Variants in MOBP observed in about 807,000 individuals in gnomAD.
MOBP encodes myelin-associated oligodendrocyte basic protein.
MOBP carries 5 observed loss-of-function variants against 15.0 expected under a neutral mutation model. The ratio of observed to expected loss-of-function variants is 0.33; its 90% confidence interval spans 0.17 to 0.70. The LOEUF (loss-of-function observed/expected upper bound fraction) is 0.70. Ranked by LOEUF, MOBP falls within the 30% of genes least tolerant of loss-of-function variation. MOBP has a pLI of 0.67. For missense variants in MOBP, 188 were observed against 257.8 expected, an observed-to-expected ratio of 0.73 and a Z score of 1.85; for synonymous variants, 88 against 99.0, an observed-to-expected ratio of 0.89 and a Z score of 0.66.
At chr3:39,524,823 G>C (rs1289185052) in exon 5 of MOBP, 1 of 152,142 alleles carries the variant, frequency 6.6e-6, no homozygotes, top group East Asian at 1.9e-4. Flanking sequence ...AATAGAATGA[G>C]TGAATCACCT....
chr3:39,498,784 C>CG (rs2042926521), intron 2 of MOBP, among the ~76,000 whole-genome samples: 1 of 151,922 alleles, frequency 6.6e-6, no homozygotes, highest in Admixed American at 6.6e-5. Context: ...CGGACATGGT[C>CG]GGGGGAGACA....
chr3:39,479,649 T>C (rs953612564), intron 1 of MOBP, among the ~76,000 whole-genome samples: 14 of 152,154 alleles, frequency 9.2e-5, no homozygotes, highest in Non-Finnish European at 1.5e-5. Flanking sequence ...GGATGATTTA[T>C]TTGATTGTGA....
chr3:39,477,293 T>A (rs1160208740), intron 1 of MOBP, among the ~76,000 whole-genome samples: 3 of 152,106 alleles, frequency 2.0e-5, no homozygotes, highest in African/African-American at 7.2e-5. Context: ...AGAGAAATTA[T>A]ATACAGTCAT....
At chr3:39,500,650 A>T (rs1417007049) in intron 2 of MOBP, among the ~76,000 whole-genome samples, 3 of 152,174 alleles carry the variant, frequency 2.0e-5, no homozygotes, top group African/African-American at 7.2e-5. Context: ...TGAGTGAGTG[A>T]GTGGAAGATG....
At chr3:39,476,808 T>C (rs2042551501) in intron 1 of MOBP, among the ~76,000 whole-genome samples, 1 of 152,294 alleles carries the variant, frequency 6.6e-6, no homozygotes, top group Non-Finnish European at 1.5e-5. Context: ...AAAAGCCTCA[T>C]TTTGTCATAC....
intron 2 of MOBP, among the ~76,000 whole-genome samples, chr3:39,486,304 C>T (rs519385): frequency 0.3 from 45,117 of 151,800 alleles, 9,023 homozygotes; most frequent in African/African-American, 0.57. Flanking sequence ...AAGTTAAATA[C>T]GTGAAGCCCT....
At chr3:39,483,440 CTCT>C (rs750673260) in intron 2 of MOBP, among the ~76,000 whole-genome samples, 8 of 152,170 alleles carry the variant, frequency 5.3e-5, no homozygotes, top group Non-Finnish European at 8.8e-5. Context: ...CCAGCTTGGC[CTCT>C]TCTTTGTCTC....
At chr3:39,523,100 T>C (rs2043289747) in intron 3 of MOBP, among the ~76,000 whole-genome samples, 1 of 152,224 alleles carries the variant, frequency 6.6e-6, no homozygotes. Context: ...CCCTTGCCAC[T>C]ATTCCACAGA....
intron 2 of MOBP, among the ~76,000 whole-genome samples, chr3:39,495,750 C>CAAAAAAAAAAA (rs1179926622): frequency 5.0e-5 from 3 of 60,172 alleles, no homozygotes; most frequent in Non-Finnish European, 1.0e-4. Flanking sequence ...GAGACCTTGT[C>CAAAAAAAAAAA]AAAAAAAAAA....
chr3:39,522,488 T>C (rs2043281795), intron 3 of MOBP, among the ~76,000 whole-genome samples: 1 of 152,216 alleles, frequency 6.6e-6, no homozygotes, highest in Non-Finnish European at 1.5e-5. Flanking sequence ...TTTTCTGGAA[T>C]GTATGGAAAC....
rs765368251 is a variant in MOBP, at chr3:39,489,329, G to T, written c.-5+9206G>T. Among the ~76,000 whole-genome samples the T allele has an allele frequency of 3.8e-4, 58 of 152,166 alleles. 1 individual carries two copies. Among genetic ancestry groups the T allele is most frequent in the Admixed American group, 2.6e-3 (40 of 15,268 alleles). On this transcript the variant is annotated intron_variant, in intron 2 of 3. Transcript: ENST00000684792. ...TGGATATACTACTCATGGGGTAAGA[G>T]ATAGTCTGTTAATGTCTTCTTCTCT...
At chr3:39,526,550 TG>T (rs1190460142), downstream of MOBP, 2 of 152,172 alleles carry the variant, frequency 1.3e-5, no homozygotes, top group African/African-American at 4.8e-5. Context: ...GTAAACTTCT[TG>T]AGTGGGAATT....
Position 39,502,942 on chromosome 3 carries a change from A to G in MOBP, c.*62A>G. On this transcript the variant is annotated 3_prime_UTR_variant, in exon 4 of 4. Coordinates refer to ENST00000684792, the MANE Select transcript of MOBP (RefSeq NM_001393704.1). The surrounding 1 kb of genome is among the most constrained non-coding windows in gnomAD (Gnocchi z 6.3). ...TAGTAGTTGCTTCCTGTGTTTACTA[A>G]CACCGGGCTGTCTCCATGGCCCTCT... 1.3e-6 allele frequency: 1 copy of G among 768,772 alleles called. No individual in the cohort carries two copies. Among genetic ancestry groups the G allele is most frequent in the South Asian group, 1.8e-5 (1 of 54,684 alleles). The allele number at this position is 768,772 out of a possible 1,614,324, so 47.6% of individuals were successfully genotyped here.
intron 2 of MOBP, among the ~76,000 whole-genome samples, chr3:39,495,911 AT>A (rs888431668): frequency 1.4e-4 from 21 of 152,006 alleles, no homozygotes; most frequent in African/African-American, 3.6e-4. Context: ...CTCAAAAAAA[AT>A]GAGAGAAGAT....
downstream of MOBP, among the ~76,000 whole-genome samples, chr3:39,520,016 T>C (rs1171280363): frequency 6.6e-6 from 1 of 152,060 alleles, no homozygotes. Flanking sequence ...GGTTTATAGA[T>C]TTGTAGCAGA....
chr3:39,488,190 C>T (rs2042744584), intron 2 of MOBP, among the ~76,000 whole-genome samples: 1 of 152,006 alleles, frequency 6.6e-6, no homozygotes, highest in Admixed American at 6.6e-5. Context: ...TCCTGTGTTC[C>T]CTTGGCTGTA....
chr3:39,509,102 G>GTATA (rs1229899497), intron 4 of MOBP, among the ~76,000 whole-genome samples: 79 of 97,160 alleles, frequency 8.1e-4, no homozygotes, highest in African/African-American at 1.9e-3. Context: ...GTGTGTGTGT[G>GTATA]TGTATATATA....
chr3:39,502,250 A>G lies in MOBP; in HGVS notation c.181A>G (p.Ile61Val). ...CFYQKKEEDW[I>V]CCACQKTRTS... is the part of the protein sequence containing the mutation. ...CTACCAGAAGAAAGAGGAGGACTGGATCTGCTGCGCCTGCCAGAAGACCAG... is the reference window on the plus strand; with the variant it reads ...CTACCAGAAGAAAGAGGAGGACTGGGTCTGCTGCGCCTGCCAGAAGACCAG... The change falls in exon 3 of 4, where the codon ATC (isoleucine) becomes GTC (valine). Residue 61 changes from isoleucine to valine, a missense_variant. Ile to Val is a conservative substitution (Grantham distance 29). Transcript: ENST00000684792. The surrounding 1 kb of genome is among the most constrained non-coding windows in gnomAD (Gnocchi z 6.3). 6.2e-7 allele frequency: 1 copy of G among 1,614,190 alleles called. No individual in the cohort carries two copies.
chr3:39,470,830 C>T (rs552145980), intron 1 of MOBP, among the ~76,000 whole-genome samples: 2 of 152,228 alleles, frequency 1.3e-5, no homozygotes, highest in East Asian at 3.9e-4. Flanking sequence ...ATATTACTAC[C>T]AGTATGATCT....
Sources: gnomAD v4.1 joint callset for allele counts (sites outside exome capture counted in the v4.1 genomes callset) on GRCh38, gnomAD v4.1.1 for gene constraint, Gnocchi (gnomAD v3.1) non-coding constraint, MANE v1.5 for transcripts, NCBI Gene and HGNC (gene_info 2026-07-23, HGNC 2026-07-21) for gene names.